GALNT13: variants seen among roughly 807,000 people sequenced by gnomAD.
GALNT13 encodes the protein polypeptide N-acetylgalactosaminyltransferase 13.
A neutral mutation model predicts 64.2 loss-of-function variants in GALNT13; 28 were observed. The ratio of observed to expected loss-of-function variants is 0.44; its 90% CI spans 0.32 to 0.60. The LOEUF (loss-of-function observed/expected upper bound fraction) is 0.60. Among genes scored for constraint, GALNT13 ranks in the 20% least tolerant of loss-of-function variants. The probability of loss-of-function intolerance (pLI) is 0.05; values close to 1 mark genes in which losing one functional copy is unlikely to be tolerated. For missense variants in GALNT13, 577 were observed against 669.8 expected, an observed-to-expected ratio of 0.86 and a Z score of 1.53; for synonymous variants, 214 against 224.6, an observed-to-expected ratio of 0.95 and a Z score of 0.42.
At position 154,298,670 on chromosome 2, in the gene GALNT13, C is replaced by T. The variant is rs187985120; in HGVS notation, c.976-2739C>T. Reference sequence around the variant, plus strand: ...ACATTGTATATACAATTTATATATACATTGTATATACAATTTATATATACA... The same window carrying T: ...ACATTGTATATACAATTTATATATATATTGTATATACAATTTATATATACA... On this transcript the variant is annotated intron_variant, in intron 8 of 12. Coordinates refer to ENST00000392825, the MANE Select transcript of GALNT13 (RefSeq NM_052917.4). 3.4e-4 allele frequency among the ~76,000 whole-genome samples: 2 copies of T among 5,808 alleles called. 1 individual carries two copies. Among genetic ancestry groups the T allele is most frequent in the African/African-American group, 1.7e-3 (2 of 1,164 alleles). 3.8% of individuals were successfully genotyped at this position (5,808 alleles called of 152,430 possible).
intron 3 of GALNT13, among the ~76,000 whole-genome samples, chr2:154,005,416 A>G (rs1472629181): frequency 6.6e-6 from 1 of 152,118 alleles, no homozygotes; most frequent in African/African-American, 2.4e-5. Context: ...TTTTTTAAAT[A>G]CCTTAAAAAA....
chr2:153,780,293 T>C, the GALNT13 span, among the ~76,000 whole-genome samples: 3 of 142,304 alleles, frequency 2.1e-5, no homozygotes, highest in Non-Finnish European at 1.5e-5. Context: ...TTCTGTACAT[T>C]TGACCTTAAT....
the GALNT13 span, among the ~76,000 whole-genome samples, chr2:153,202,241 C>T: frequency 1.3e-5 from 2 of 151,960 alleles, no homozygotes; most frequent in Non-Finnish European, 2.9e-5. Flanking sequence ...GCCTCGGCCT[C>T]CCAAAGTGCT....
chr2:154,255,821 G>A (rs1690339845), intron 7 of GALNT13, among the ~76,000 whole-genome samples: 1 of 152,100 alleles, frequency 6.6e-6, no homozygotes, highest in Non-Finnish European at 1.5e-5. Context: ...AGAGGCCAAG[G>A]TGGGCAGGTC....
chr2:153,399,640 A>C, the GALNT13 span, among the ~76,000 whole-genome samples: 2 of 151,690 alleles, frequency 1.3e-5, no homozygotes, highest in African/African-American at 4.8e-5. Context: ...GGTCCTTCAC[A>C]TCCCTTGTAA....
At chr2:153,618,114 G>C in the GALNT13 span, among the ~76,000 whole-genome samples, 1 of 151,584 alleles carries the variant, frequency 6.6e-6, no homozygotes, top group Admixed American at 6.6e-5. Context: ...ATATATTGTT[G>C]ATTGTTTATT....
chr2:154,316,388 A>G (rs1260074853), intron 9 of GALNT13, among the ~76,000 whole-genome samples: 2 of 152,218 alleles, frequency 1.3e-5, no homozygotes, highest in Non-Finnish European at 2.9e-5. Flanking sequence ...CTGTCATTTT[A>G]GCATGATTTA....
the GALNT13 span, among the ~76,000 whole-genome samples, chr2:153,734,038 G>A: frequency 8.1e-4 from 124 of 152,214 alleles, 3 homozygotes; most frequent in East Asian, 0.023. Context: ...GTTCAGGACC[G>A]TGTTGGTGTT....
At chr2:154,407,372 A>G (rs528745494) in intron 10 of GALNT13, among the ~76,000 whole-genome samples, 40 of 152,146 alleles carry the variant, frequency 2.6e-4, no homozygotes, top group Non-Finnish European at 5.3e-4. Flanking sequence ...AGTCAATAAA[A>G]TCTGATGTAA....
At chr2:153,879,266 C>A (rs1686603454) in intron 1 of GALNT13, among the ~76,000 whole-genome samples, 2 of 152,142 alleles carry the variant, frequency 1.3e-5, no homozygotes, top group South Asian at 4.2e-4. Flanking sequence ...GAAAGTGAGT[C>A]ACAGAAAGGT....
chr2:153,699,084 C>A, the GALNT13 span, among the ~76,000 whole-genome samples: 1 of 152,010 alleles, frequency 6.6e-6, no homozygotes, highest in Non-Finnish European at 1.5e-5. Context: ...ATTTTCCGGT[C>A]ATGGAGGTGT....
chr2:153,851,934 T>C, the GALNT13 span, among the ~76,000 whole-genome samples: 1 of 152,146 alleles, frequency 6.6e-6, no homozygotes, highest in African/African-American at 2.4e-5. Flanking sequence ...AAGTATACTT[T>C]TGTAAGCTGT....
At chr2:153,224,359 C>A in the GALNT13 span, among the ~76,000 whole-genome samples, 1 of 152,170 alleles carries the variant, frequency 6.6e-6, no homozygotes, top group East Asian at 1.9e-4. Context: ...AGGCTGTGGG[C>A]TGAAAAACTA....
At chr2:154,357,861 GA>G (rs1191535280) in intron 9 of GALNT13, among the ~76,000 whole-genome samples, 1 of 151,992 alleles carries the variant, frequency 6.6e-6, no homozygotes. Flanking sequence ...ATGGGACTTA[GA>G]AAATAGCCTA....
chr2:154,244,975 G>A (rs889775551), intron 6 of GALNT13, among the ~76,000 whole-genome samples: 1 of 151,814 alleles, frequency 6.6e-6, no homozygotes, highest in Admixed American at 6.6e-5. Context: ...ACAAAAATTA[G>A]CCAGGTATGA....
chr2:153,906,612 A>G (rs1436341392), intron 2 of GALNT13, among the ~76,000 whole-genome samples: 1 of 151,892 alleles, frequency 6.6e-6, no homozygotes, highest in Non-Finnish European at 1.5e-5. Context: ...TCCATGGTGT[A>G]TATGTGCCAC....
At chr2:153,781,832 C>T in the GALNT13 span, among the ~76,000 whole-genome samples, 1 of 152,100 alleles carries the variant, frequency 6.6e-6, no homozygotes, top group Admixed American at 6.5e-5. Context: ...TTGGATTAGA[C>T]ATCACTTCCA....
chr2:154,431,364 C>G (rs12617140), intron 11 of GALNT13, among the ~76,000 whole-genome samples: 22,958 of 151,810 alleles, frequency 0.15, 1,784 homozygotes, highest in East Asian at 0.28. Flanking sequence ...TGTAGTTTTT[C>G]TAAAGGGTCA....
At chr2:154,410,725 T>A in intron 11 of GALNT13, among the ~76,000 whole-genome samples, 1 of 151,002 alleles carries the variant, frequency 6.6e-6, no homozygotes, top group East Asian at 1.9e-4. Context: ...AGCCATAATC[T>A]GTTTGAACAA....
Sources: allele counts gnomAD v4.1 joint callset (sites outside exome capture counted in the v4.1 genomes callset), GRCh38; gene constraint gnomAD v4.1.1; transcripts MANE v1.5; gene names NCBI Gene and HGNC (gene_info 2026-07-23, HGNC 2026-07-21).